The following CSNK1A1 variants were observed in gnomAD, a reference collection of about 807,000 sequenced individuals.
CSNK1A1 encodes the protein casein kinase 1 alpha 1, also known as casein kinase I isoform alpha.
In CSNK1A1, 7 loss-of-function variants were observed where a neutral mutation model predicts 46.1. That is an observed-to-expected ratio of 0.15 (90% CI 0.09 to 0.29). CSNK1A1 has a LOEUF of 0.29. Among genes scored for constraint, CSNK1A1 ranks in the 10% least tolerant of loss-of-function variants. The pLI is 1.00. For missense variants in CSNK1A1, 96 were observed against 417.1 expected, an observed-to-expected ratio of 0.23 and a Z score of 6.71; for synonymous variants, 137 against 141.5, an observed-to-expected ratio of 0.97 and a Z score of 0.23.
At position 149,550,856 on chromosome 5, in the gene CSNK1A1, T is replaced by C. The variant is rs1187170131; in HGVS notation, c.109A>G (p.Ile37Val). 1 of 1,614,048 alleles carries C rather than the reference T, an allele frequency of 6.2e-7. No homozygotes were observed. Among genetic ancestry groups the C allele is most frequent in the Non-Finnish European group, 8.5e-7 (1 of 1,179,960 alleles). ...SFGDIYLAIN[I>V]TNGEEVAVKL... ...CAGATGATTACCTCGCCGTTGGTGA[T>C]GTTGATCGCCAAATAGATGTCCCCG... is the stretch of plus-strand genomic sequence containing the variant. Residue 37 changes from isoleucine (I) to valine (V), a missense_variant, in exon 1 of 10, where the codon ATC (isoleucine) becomes GTC (valine). Ile to Val is a conservative substitution (Grantham distance 29). Transcript: ENST00000377843. This position sits in a 1 kb window ranked among gnomAD's most constrained non-coding sequence, Gnocchi z 4.3.
chr5:149,504,918 C>G (rs995467596), intron 9 of CSNK1A1: 111 of 985,392 alleles, frequency 1.1e-4, no homozygotes, highest in Non-Finnish European at 1.3e-4. Flanking sequence ...AAGATAGACA[C>G]TTTGGGGGTA....
At chr5:149,527,263 G>A (rs1270517043) in intron 2 of CSNK1A1, among the ~76,000 whole-genome samples, 1 of 152,052 alleles carries the variant, frequency 6.6e-6, no homozygotes, top group Non-Finnish European at 1.5e-5. Flanking sequence ...AAGTAGCTGG[G>A]ATTATAGGCG....
rs1762621877 is a variant in CSNK1A1 at position 149,550,446 on chromosome 5, G to A, written c.124-265C>T. ...AGGCAACCTCTGAACGTAGTGAGAG[G>A]TTTTTAAGGAACTAGGCGATCGGAA... On this transcript the variant is annotated intron_variant, in intron 1 of 9. Transcript: ENST00000377843. The surrounding 1 kb of genome is among the most constrained non-coding windows in gnomAD (Gnocchi z 4.3). The A allele has an allele frequency of 4.1e-6, 4 of 966,838 alleles. No individual in the cohort carries two copies. The highest frequency in any genetic ancestry group is 4.1e-6 in the Non-Finnish European group (3 of 733,286). The allele number at this position is 966,838 out of a possible 1,614,324, so 59.9% of individuals were successfully genotyped here.
rs868659733 is a variant in CSNK1A1, at chr5:149,542,680, A to G, written c.230+7395T>C. The stretch of plus-strand genomic sequence containing the variant: ...TATATATATATATATATGTATATAT[A>G]TATATATATATATTTTTTTTTTTTT... On this transcript the variant is annotated intron_variant, in intron 2 of 9. Coordinates refer to ENST00000377843, the MANE Select transcript of CSNK1A1 (RefSeq NM_001892.6). 9.9e-4 allele frequency among the ~76,000 whole-genome samples: 13 copies of G among 13,114 alleles called. 1 individual carries two copies. The highest frequency in any genetic ancestry group is 0.038 in the Middle Eastern group (1 of 26). The allele number at this position is 13,114 out of a possible 152,430, so 8.6% of individuals were successfully genotyped here.
At chr5:149,544,145 G>A (rs1295718356) in intron 2 of CSNK1A1, among the ~76,000 whole-genome samples, 1 of 152,180 alleles carries the variant, frequency 6.6e-6, no homozygotes, top group Non-Finnish European at 1.5e-5. Flanking sequence ...ATGGAAATGA[G>A]TATTTAGCTG....
At chr5:149,545,893 G>T in intron 2 of CSNK1A1, 3 of 281,194 alleles carry the variant, frequency 1.1e-5, no homozygotes, top group Non-Finnish European at 2.0e-5. Context: ...TCTTATCCTT[G>T]CTTTTTTTTT....
At chr5:149,542,605 TA>T in intron 2 of CSNK1A1, among the ~76,000 whole-genome samples, 1 of 6,734 alleles carries the variant, frequency 1.5e-4, no homozygotes, top group Non-Finnish European at 2.1e-4. Context: ...TATATATATA[TA>T]TATATATATA....
At chr5:149,538,067 G>C (rs188824118) in intron 2 of CSNK1A1, among the ~76,000 whole-genome samples, 1,474 of 135,876 alleles carry the variant, frequency 0.011, 24 homozygotes, top group African/African-American at 0.04. Context: ...TTGTTGCCCG[G>C]GCTGGAGTGC....
chr5:149,508,048 T>C (rs1047286812), intron 7 of CSNK1A1, among the ~76,000 whole-genome samples: 4 of 152,196 alleles, frequency 2.6e-5, no homozygotes, highest in African/African-American at 9.7e-5. Context: ...CAAACCTCTA[T>C]ATCTCCTCTC....
chr5:149,497,297 T>C (rs912710227), intron 9 of CSNK1A1: 27 of 990,498 alleles, frequency 2.7e-5, no homozygotes, highest in Non-Finnish European at 3.1e-5. Context: ...TTAGCTTTAA[T>C]AATAAATGCA....
Position 149,550,384 on chromosome 5 carries a change from C to G in CSNK1A1, c.124-203G>C, listed in dbSNP as rs1762620019. On this transcript the variant is annotated intron_variant, in intron 1 of 9. Coordinates refer to ENST00000377843, the MANE Select transcript of CSNK1A1 (RefSeq NM_001892.6). The surrounding 1 kb of genome is among the most constrained non-coding windows in gnomAD (Gnocchi z 4.3). Reference sequence around the variant, plus strand: ...GGGGTAGTGACGAAATCCGTACGTCCTCTAAAGTGCAGGAAAATGATTCAT... The same window carrying G: ...GGGGTAGTGACGAAATCCGTACGTCGTCTAAAGTGCAGGAAAATGATTCAT... 1 of 1,363,364 alleles carries G rather than the reference C, an allele frequency of 7.3e-7. No homozygotes were observed. The highest frequency in any genetic ancestry group is 1.5e-5 in the African/African-American group (1 of 67,744). The allele number at this position is 1,363,364 out of a possible 1,614,324, so 84.5% of individuals were successfully genotyped here.
At chr5:149,501,436 T>C (rs1423249647) in intron 9 of CSNK1A1, 1 of 985,428 alleles carries the variant, frequency 1.0e-6, no homozygotes, top group Non-Finnish European at 1.2e-6. Flanking sequence ...TAGCAGCAAT[T>C]GGTGAACTCA....
intron 2 of CSNK1A1, among the ~76,000 whole-genome samples, chr5:149,538,313 C>T (rs1407150236): frequency 3.3e-5 from 5 of 152,070 alleles, no homozygotes; most frequent in Admixed American, 6.6e-5. Context: ...TGAGCCACCG[C>T]GCCCGGCTGT....
chr5:149,498,404 C>T (rs960218050), intron 9 of CSNK1A1: 4 of 985,146 alleles, frequency 4.1e-6, no homozygotes, highest in Admixed American at 1.2e-4. Context: ...GAAGTATTAG[C>T]GAGGTAAACC....
In CSNK1A1 at chr5:149,497,752, A is replaced by G. The variant is rs559013380; in HGVS notation, c.1007-892T>C. 5 of 985,490 alleles carry G rather than the reference A, an allele frequency of 5.1e-6. No individual in the cohort carries two copies. In the East Asian group the frequency reaches 4.5e-4, roughly 89 times the overall value. The allele number at this position is 985,490 out of a possible 1,614,324, so 61.0% of individuals were successfully genotyped here. ...ACAAATGAGCTAGAAACTATAGCTC[A>G]TTCTAGCCCACTCCAATCAATCCTC... On this transcript the variant is annotated intron_variant, in intron 9 of 9. Transcript: ENST00000377843.
At chr5:149,548,196 T>C (rs1454343582) in intron 2 of CSNK1A1, among the ~76,000 whole-genome samples, 2 of 152,180 alleles carry the variant, frequency 1.3e-5, no homozygotes, top group African/African-American at 2.4e-5. Flanking sequence ...GACAGTTTTA[T>C]TTGAGTTGTT....
chr5:149,506,436 C>T lies in CSNK1A1; in HGVS notation c.857+591G>A, dbSNP rs934814464. On this transcript the variant is annotated intron_variant, in intron 8 of 9. Transcript: ENST00000377843. ...ATTTTTAGTAAAGATGGGGCTTCAC[C>T]ATGTCGGGCAGGCTGGTCTCTAACT... Among the ~76,000 whole-genome samples, 4 of 152,000 alleles carry T rather than the reference C, an allele frequency of 2.6e-5. No homozygotes were observed. In the East Asian group the frequency reaches 5.8e-4, roughly 22 times the overall value.
chr5:149,550,256 T>C lies in CSNK1A1; in HGVS notation c.124-75A>G. 2 of 1,549,086 alleles carry C rather than the reference T, an allele frequency of 1.3e-6. No individual in the cohort carries two copies. Among genetic ancestry groups the C allele is most frequent in the East Asian group, 2.3e-5 (1 of 43,068 alleles). ...GTCACTTAGGAAAGGAGGGAGACAT[T>C]AGCAAAACTCCAAGTCGCGACTACA... is the stretch of plus-strand genomic sequence containing the variant. On this transcript the variant is annotated intron_variant, in intron 1 of 9. Transcript: ENST00000377843. This position sits in a 1 kb window ranked among gnomAD's most constrained non-coding sequence, Gnocchi z 4.3.
chr5:149,529,901 T>A (rs1050386242), intron 2 of CSNK1A1, among the ~76,000 whole-genome samples: 2 of 152,210 alleles, frequency 1.3e-5, no homozygotes, highest in African/African-American at 4.8e-5. Flanking sequence ...GCTAGGGGTT[T>A]GCTTTTTTCT....
Sources: allele counts gnomAD v4.1 joint callset (sites outside exome capture counted in the v4.1 genomes callset), GRCh38; gene constraint gnomAD v4.1.1; non-coding constraint Gnocchi (gnomAD v3.1); transcripts MANE v1.5; gene names NCBI Gene and HGNC (gene_info 2026-07-23, HGNC 2026-07-21).